Variants in IGF1R observed in about 807,000 individuals in gnomAD.
IGF1R encodes the protein insulin like growth factor 1 receptor, also known as insulin-like growth factor 1 receptor.
A neutral mutation model predicts 144.6 loss-of-function variants in IGF1R; 44 were observed. That is an observed-to-expected ratio of 0.30 (90% CI 0.24 to 0.39). The LOEUF is 0.39. Among genes scored for constraint, IGF1R ranks in the 10% least tolerant of loss-of-function variants. The probability of loss-of-function intolerance (pLI) is 1.00; values close to 1 mark genes in which losing one functional copy is unlikely to be tolerated. For synonymous variants in IGF1R, 795 were observed against 722.8 expected (o/e 1.10, Z -1.60); for missense variants, 1,355 against 1,833.7 (o/e 0.74, Z 4.77).
At chr15:98,720,485 T>C (rs2054221849) in intron 2 of IGF1R, among the ~76,000 whole-genome samples, 2 of 152,140 alleles carry the variant, frequency 1.3e-5, no homozygotes, top group African/African-American at 4.8e-5. Context: ...AGTCGAACTT[T>C]TTAGGATGGG....
At chr15:98,684,701 G>GA (rs1014891600) in intron 1 of IGF1R, among the ~76,000 whole-genome samples, 2 of 152,162 alleles carry the variant, frequency 1.3e-5, no homozygotes, top group African/African-American at 4.8e-5. Flanking sequence ...CTGTGGATGA[G>GA]AGAGTAGAAG....
At chr15:98,684,609 C>T (rs976442010) in intron 1 of IGF1R, among the ~76,000 whole-genome samples, 2 of 152,166 alleles carry the variant, frequency 1.3e-5, no homozygotes, top group African/African-American at 4.8e-5. Context: ...GTTATACAAA[C>T]ATAACTAAAG....
chr15:98,790,212 A>G (rs913007094), intron 2 of IGF1R, among the ~76,000 whole-genome samples: 1 of 152,130 alleles, frequency 6.6e-6, no homozygotes, highest in Non-Finnish European at 1.5e-5. Flanking sequence ...TATGTGCCAT[A>G]TGAGGTGGGT....
intron 20 of IGF1R, 133 bp from the exon 21 acceptor site, chr15:98,956,927 GA>G (rs1339416087): frequency 4.5e-5 from 44 of 985,974 alleles, no homozygotes; most frequent in Non-Finnish European, 6.8e-5. Flanking sequence ...CAGGGATGGA[GA>G]GGGGCAGCAG....
At chr15:98,878,675 AAAAAAAAAAAAAAAAAAAAACAAC>A in intron 2 of IGF1R, among the ~76,000 whole-genome samples, 1 of 89,496 alleles carries the variant, frequency 1.1e-5, no homozygotes, top group African/African-American at 3.4e-5. Flanking sequence ...AAAAAAAAAA[AAAAAAAAAAAAAAAAAAAAACAAC>A]AACAAAAAAA....
intron 1 of IGF1R, among the ~76,000 whole-genome samples, chr15:98,699,388 G>A (rs957678712): frequency 3.3e-5 from 5 of 152,214 alleles, no homozygotes; most frequent in African/African-American, 1.2e-4. Flanking sequence ...CATGGGAACT[G>A]TGGATAATTA....
chr15:98,682,901 G>T (rs899902522), intron 1 of IGF1R, among the ~76,000 whole-genome samples: 1 of 151,882 alleles, frequency 6.6e-6, no homozygotes, highest in African/African-American at 2.4e-5. Flanking sequence ...AATGTGATCA[G>T]TGGTTATACT....
intron 2 of IGF1R, among the ~76,000 whole-genome samples, chr15:98,800,535 C>T (rs368043402): frequency 1.3e-5 from 2 of 152,260 alleles, no homozygotes; most frequent in African/African-American, 4.8e-5. Flanking sequence ...GTGAAAGATA[C>T]GGAGTGTGAC....
chr15:98,734,279 G>A (rs1331674583), intron 2 of IGF1R, among the ~76,000 whole-genome samples: 2 of 152,126 alleles, frequency 1.3e-5, no homozygotes, highest in Non-Finnish European at 2.9e-5. Context: ...CATAGGACAT[G>A]CCAATGTTTT....
In IGF1R at chr15:98,962,752, A is replaced by G. The variant is rs1374864134; in HGVS notation, c.*5310A>G. The G allele has an allele frequency of 4.3e-5, 10 of 233,436 alleles. No individual in the cohort carries two copies. Among genetic ancestry groups the G allele is most frequent in the Admixed American group, 3.4e-4 (6 of 17,784 alleles). The allele number at this position is 233,436 out of a possible 1,614,324, so 14.5% of individuals were successfully genotyped here. A position where few individuals can be genotyped will look rare whatever the true frequency, so the allele number is the denominator to read the frequency against. Reference sequence around the variant, plus strand: ...GAACTTGATTGTTCTTGAAGCTATCAGACCACATCGAGGCTCAGCAGTCAT... The same window carrying G: ...GAACTTGATTGTTCTTGAAGCTATCGGACCACATCGAGGCTCAGCAGTCAT... On this transcript the variant is annotated 3_prime_UTR_variant, in exon 21 of 21. Transcript: ENST00000650285.
At chr15:98,760,640 C>T (rs1352678789) in intron 2 of IGF1R, among the ~76,000 whole-genome samples, 1 of 152,188 alleles carries the variant, frequency 6.6e-6, no homozygotes, top group Non-Finnish European at 1.5e-5. Flanking sequence ...TGCAACGGGG[C>T]GTCTGCCAGG....
intron 2 of IGF1R, among the ~76,000 whole-genome samples, chr15:98,721,323 C>T (rs1388228324): frequency 3.3e-5 from 5 of 152,204 alleles, no homozygotes; most frequent in African/African-American, 1.2e-4. Context: ...TCATCTCTCT[C>T]CCCAAACAGT....
chr15:98,730,242 T>G (rs544555310), intron 2 of IGF1R, among the ~76,000 whole-genome samples: 1 of 152,162 alleles, frequency 6.6e-6, no homozygotes, highest in Non-Finnish European at 1.5e-5. Flanking sequence ...AATTTTTTTT[T>G]TTTTAACTAG....
At chr15:98,662,223 C>A (rs992724273) in intron 1 of IGF1R, among the ~76,000 whole-genome samples, 1 of 152,054 alleles carries the variant, frequency 6.6e-6, no homozygotes, top group East Asian at 1.9e-4. Flanking sequence ...TCAAGCAATC[C>A]ACCGACCTCG....
In IGF1R at chr15:98,745,811, G is replaced by A. The variant is rs532648446; in HGVS notation, c.640+37704G>A. On this transcript the variant is annotated intron_variant, in intron 2 of 20. Coordinates refer to ENST00000650285, the MANE Select transcript of IGF1R (RefSeq NM_000875.5). ...AAGAACTCTTATACATTGCTGTTGA[G>A]AGTGTAAAACGGTACAACCTTTATG... Among the ~76,000 whole-genome samples the A allele has an allele frequency of 3.9e-5, 6 of 152,346 alleles. No homozygotes were observed. The South Asian group carries it at 1.2e-3, about 32-fold the overall frequency.
At chr15:98,865,792 A>G (rs1191625941) in intron 2 of IGF1R, among the ~76,000 whole-genome samples, 1 of 152,212 alleles carries the variant, frequency 6.6e-6, no homozygotes, top group Non-Finnish European at 1.5e-5. Flanking sequence ...TGGAGGGCTC[A>G]GGATTCCCGT....
intron 2 of IGF1R, among the ~76,000 whole-genome samples, chr15:98,750,259 G>A (rs74413322): frequency 0.013 from 1,933 of 152,256 alleles, 39 homozygotes; most frequent in South Asian, 0.062. Flanking sequence ...GGGGTCCCTT[G>A]GCCTGGGCAG....
At position 98,964,399 on chromosome 15, in the gene IGF1R, T is replaced by TA. The variant is rs1214246909; in HGVS notation, c.*6957_*6958insA. ...CCTGTTATTGCGATATACTCTGGAT[T>TA]CTTTACATAATGGAAAAAAGAAACT... On this transcript the variant is annotated 3_prime_UTR_variant, in exon 21 of 21. Transcript: ENST00000650285. 4.3e-6 allele frequency: 1 copy of TA among 230,336 alleles called. No homozygotes were observed. Among genetic ancestry groups the TA allele is most frequent in the Non-Finnish European group, 8.6e-6 (1 of 116,122 alleles). The allele number at this position is 230,336 out of a possible 1,614,324, so 14.3% of individuals were successfully genotyped here.
At chr15:98,848,832 G>C (rs190345702) in intron 2 of IGF1R, among the ~76,000 whole-genome samples, 8 of 152,188 alleles carry the variant, frequency 5.3e-5, no homozygotes, top group African/African-American at 1.9e-4. Flanking sequence ...CAAATAACTT[G>C]CTAGATGATA....
Sources: gnomAD v4.1 joint callset for allele counts (sites outside exome capture counted in the v4.1 genomes callset) on GRCh38, gnomAD v4.1.1 for gene constraint, MANE v1.5 for transcripts, NCBI Gene and HGNC (gene_info 2026-07-23, HGNC 2026-07-21) for gene names.